Variants in EPHA6 observed in about 807,000 individuals in gnomAD.
EPHA6 encodes ephrin type-A receptor 6.
A neutral mutation model predicts 112.0 loss-of-function variants in EPHA6; 50 were observed. The observed-to-expected ratio is 0.45, with a 90% confidence interval of 0.36 to 0.56. EPHA6 has a LOEUF of 0.56. Among genes scored for constraint, EPHA6 ranks in the 20% least tolerant of loss-of-function variants. EPHA6 has a pLI of 0.00. For synonymous variants in EPHA6, 529 were observed against 490.7 expected (o/e 1.08, Z -1.03); for missense variants, 1,280 against 1,417.4 (o/e 0.90, Z 1.56).
chr3:96,865,436 C>G (rs1475468951), intron 1 of EPHA6, among the ~76,000 whole-genome samples: 1 of 151,912 alleles, frequency 6.6e-6, no homozygotes, highest in Non-Finnish European at 1.5e-5. Context: ...AATCCCAGCA[C>G]TTTGGGAGGT....
intron 5 of EPHA6, among the ~76,000 whole-genome samples, chr3:97,329,717 G>A (rs1372360822): frequency 1.3e-5 from 2 of 152,144 alleles, no homozygotes; most frequent in African/African-American, 2.4e-5. Context: ...CTGAATATTG[G>A]CCCTTTGTCA....
At chr3:97,420,820 T>G (rs1245417225) in intron 6 of EPHA6, among the ~76,000 whole-genome samples, 1 of 144,776 alleles carries the variant, frequency 6.9e-6, no homozygotes, top group East Asian at 2.0e-4. Flanking sequence ...CCAAACCAGC[T>G]AAGTATAGAA....
chr3:97,072,506 C>T (rs1447862212), intron 3 of EPHA6, among the ~76,000 whole-genome samples: 1 of 152,036 alleles, frequency 6.6e-6, no homozygotes, highest in Non-Finnish European at 1.5e-5. Context: ...ACCCTGCCTA[C>T]ATCTTGATAT....
intron 3 of EPHA6, among the ~76,000 whole-genome samples, chr3:97,135,470 A>G (rs187959708): frequency 6.6e-6 from 1 of 152,310 alleles, no homozygotes; most frequent in Admixed American, 6.5e-5. Flanking sequence ...CTGAAAGTAG[A>G]AATCAGTACT....
chr3:97,565,716 T>C (rs1421510955), intron 11 of EPHA6, among the ~76,000 whole-genome samples: 1 of 151,960 alleles, frequency 6.6e-6, no homozygotes, highest in African/African-American at 2.4e-5. Context: ...AGACAGGTAA[T>C]TGATAAAGAA....
In EPHA6 at chr3:97,466,516, C is replaced by G. The variant is rs539197298; in HGVS notation, c.1895-8836C>G. ...AAAGTCAAAGGGGTAGTGTGAGGGTCGGGCCAAATCCAGGCTCTCCAATGA... is the reference window on the plus strand; with the variant it reads ...AAAGTCAAAGGGGTAGTGTGAGGGTGGGGCCAAATCCAGGCTCTCCAATGA... On this transcript the variant is annotated intron_variant, in intron 7 of 17. Coordinates refer to ENST00000389672, the MANE Select transcript of EPHA6 (RefSeq NM_001080448.3). 3.8e-5 allele frequency: 36 copies of G among 938,846 alleles called. No homozygotes were observed. The East Asian group carries it at 8.6e-4, about 22-fold the overall frequency. The allele number at this position is 938,846 out of a possible 1,614,324, so 58.2% of individuals were successfully genotyped here. A position where few individuals can be genotyped will look rare whatever the true frequency, so the allele number is the denominator to read the frequency against.
chr3:96,894,129 A>G (rs890363672), intron 2 of EPHA6, among the ~76,000 whole-genome samples: 33 of 152,162 alleles, frequency 2.2e-4, no homozygotes, highest in African/African-American at 7.7e-4. Flanking sequence ...TATGGGCTAC[A>G]TATTGAATTC....
At chr3:97,177,325 G>T (rs576401313) in intron 3 of EPHA6, among the ~76,000 whole-genome samples, 1 of 151,858 alleles carries the variant, frequency 6.6e-6, no homozygotes, top group African/African-American at 2.4e-5. Flanking sequence ...TGATCCATCT[G>T]CTGAGGAAAA....
chr3:97,528,325 C>T lies in EPHA6; in HGVS notation c.2201-4033C>T, dbSNP rs1409788234. Among the ~76,000 whole-genome samples the T allele has an allele frequency of 2.0e-5, 3 of 151,946 alleles. No homozygotes were observed. The East Asian group carries it at 5.8e-4, about 29-fold the overall frequency. On this transcript the variant is annotated intron_variant, in intron 10 of 17. Coordinates refer to ENST00000389672, the MANE Select transcript of EPHA6 (RefSeq NM_001080448.3). ...TATTTTCTTTTTACAGTTAAAAGGG[C>T]CTGTTGGTGCTGGGAGGCTAAATTA...
chr3:96,929,459 C>A (rs1425061498), intron 2 of EPHA6, among the ~76,000 whole-genome samples: 3 of 152,174 alleles, frequency 2.0e-5, no homozygotes, highest in Non-Finnish European at 4.4e-5. Context: ...ATTTGCTTAT[C>A]TGAAAAGGAT....
intron 5 of EPHA6, among the ~76,000 whole-genome samples, chr3:97,384,136 G>A (rs762290840): frequency 1.3e-5 from 2 of 152,106 alleles, no homozygotes; most frequent in Non-Finnish European, 2.9e-5. Context: ...TTTATTCAAT[G>A]TTGTCTTTCG....
intron 5 of EPHA6, among the ~76,000 whole-genome samples, chr3:97,285,118 C>T (rs547670353): frequency 3.6e-4 from 54 of 152,032 alleles, no homozygotes; most frequent in African/African-American, 1.2e-3. Flanking sequence ...TCAAATACCA[C>T]GACTCTTCAT....
chr3:97,371,897 G>A (rs1015361342), intron 5 of EPHA6, among the ~76,000 whole-genome samples: 3 of 152,028 alleles, frequency 2.0e-5, no homozygotes, highest in African/African-American at 4.8e-5. Flanking sequence ...AGTGCTCCCA[G>A]GCTTATTAGG....
chr3:97,187,753 A>G (rs950336625), intron 3 of EPHA6, among the ~76,000 whole-genome samples: 4 of 150,298 alleles, frequency 2.7e-5, no homozygotes, highest in Non-Finnish European at 4.4e-5. Flanking sequence ...AAGAGGAAAG[A>G]AAGAAAGAAA....
intron 14 of EPHA6, among the ~76,000 whole-genome samples, chr3:97,643,113 C>T (rs1266816776): frequency 6.6e-6 from 1 of 152,128 alleles, no homozygotes; most frequent in African/African-American, 2.4e-5. Flanking sequence ...CCCTGCAAGC[C>T]AGAAGAGAGT....
Position 97,330,365 on chromosome 3 carries a change from G to A in EPHA6, c.1607-74785G>A, listed in dbSNP as rs1468787031. ...TCCAATTCTGTGAAGAAAGTCATTG[G>A]TAGTTTGATGGGGATGGCATTGAAT... On this transcript the variant is annotated intron_variant, in intron 5 of 17. Transcript: ENST00000389672. Among the ~76,000 whole-genome samples the A allele has an allele frequency of 3.3e-5, 5 of 152,130 alleles. No homozygotes were observed. The East Asian group carries it at 9.6e-4, about 29-fold the overall frequency.
At chr3:97,084,107 T>TGG (rs1576457531) in intron 3 of EPHA6, among the ~76,000 whole-genome samples, 3 of 75,822 alleles carry the variant, frequency 4.0e-5, no homozygotes, top group African/African-American at 2.0e-4. Flanking sequence ...CATGGATATA[T>TGG]ATATATATAT....
chr3:97,552,885 G>A (rs1477191405), intron 11 of EPHA6, among the ~76,000 whole-genome samples: 1 of 151,874 alleles, frequency 6.6e-6, no homozygotes, highest in East Asian at 1.9e-4. Context: ...TCTCTGAATT[G>A]AGCCTTGTCT....
chr3:97,128,998 C>A (rs2048262159), intron 3 of EPHA6, among the ~76,000 whole-genome samples: 1 of 151,620 alleles, frequency 6.6e-6, no homozygotes, highest in South Asian at 2.1e-4. Flanking sequence ...CTCAGCCTCC[C>A]AAATAGCTGG....
Sources: allele counts gnomAD v4.1 joint callset (sites outside exome capture counted in the v4.1 genomes callset), GRCh38; gene constraint gnomAD v4.1.1; transcripts MANE v1.5; gene names NCBI Gene and HGNC (gene_info 2026-07-23, HGNC 2026-07-21).